ETV4: variants seen among roughly 807,000 people sequenced by gnomAD.
The protein encoded by ETV4 is ETS variant transcription factor 4.
ETV4 carries 42 observed loss-of-function variants against 65.9 expected under a neutral mutation model. The ratio of observed to expected loss-of-function variants is 0.64; its 90% CI spans 0.50 to 0.82. ETV4 has a LOEUF of 0.82. ETV4 is among the 40% of genes least tolerant of loss of function. ETV4 has a pLI of 0.00. For missense variants in ETV4, 583 were observed against 630.3 expected (o/e 0.92, Z 0.80); for synonymous variants, 238 against 260.0 (o/e 0.92, Z 0.81).
Position 43,529,992 on chromosome 17 carries a change from C to T in ETV4, c.887-40G>A. 6 of 1,613,212 alleles carry T rather than the reference C, an allele frequency of 3.7e-6. No individual in the cohort carries two copies. In the South Asian group the frequency reaches 5.5e-5, roughly 15 times the overall value. ...TGGGGGTTGCTCAGATCTGGGGGTT[C>T]ACCGATGAGACCCCAGAGAGTCCAG... On this transcript the variant is annotated intron_variant, in intron 9 of 12. Coordinates refer to ENST00000319349, the MANE Select transcript of ETV4 (RefSeq NM_001079675.5).
intron 12 of ETV4, 51 bp downstream of exon 12, chr17:43,529,084 T>G (rs1970742302): frequency 1.9e-6 from 3 of 1,563,754 alleles, no homozygotes; most frequent in East Asian, 4.5e-5. Flanking sequence ...CCAGTCAGCT[T>G]CTCACAGCCA....
chr17:43,545,731 G>T, intron 1 of ETV4, 63 bp from the exon 2 acceptor site: 2 of 856,230 alleles, frequency 2.3e-6, no homozygotes, highest in East Asian at 5.3e-5. Context: ...GGGCGGGGAG[G>T]GGGCAGTCCC....
At chr17:43,540,960 G>T (rs1269697494) in intron 4 of ETV4, among the ~76,000 whole-genome samples, 2 of 152,162 alleles carry the variant, frequency 1.3e-5, no homozygotes, top group African/African-American at 4.8e-5. Context: ...GTAATGGGCT[G>T]GGGGTATCTC....
rs186039637 is a variant in ETV4, at chr17:43,539,764, G to T, written c.203-3285C>A. 7.9e-5 allele frequency among the ~76,000 whole-genome samples: 12 copies of T among 152,320 alleles called. No homozygotes were observed. In the East Asian group the frequency reaches 2.3e-3, roughly 29 times the overall value. ...ACACACAAGGCAACACTAGAGGCAG[G>T]TCCTCTCCAGGAAAGCACATCTCAC... On this transcript the variant is annotated intron_variant, in intron 4 of 12. Transcript: ENST00000319349.
chr17:43,528,494 C>G lies in ETV4; in HGVS notation c.*25G>C. The G allele has an allele frequency of 6.6e-7, 1 of 1,517,938 alleles. No individual in the cohort carries two copies. The highest frequency in any genetic ancestry group is 9.0e-7 in the Non-Finnish European group (1 of 1,107,586). The allele number at this position is 1,517,938 out of a possible 1,614,324, so 94.0% of individuals were successfully genotyped here. On this transcript the variant is annotated 3_prime_UTR_variant, in exon 13 of 13. Coordinates refer to ENST00000319349, the MANE Select transcript of ETV4 (RefSeq NM_001079675.5). ...ATGTACACAGGGCAGCACCCACCTGCGGCAGGGGGAACAGCCGCTGGGGGC... is the reference window on the plus strand; with the variant it reads ...ATGTACACAGGGCAGCACCCACCTGGGGCAGGGGGAACAGCCGCTGGGGGC...
chr17:43,544,890 G>T, intron 4 of ETV4, 85 bp downstream of exon 4: 1 of 1,308,322 alleles, frequency 7.6e-7, no homozygotes, highest in Non-Finnish European at 1.1e-6. Flanking sequence ...GAGGAGAAGT[G>T]TAGGGCTTAG....
In ETV4 at chr17:43,529,562, GC is replaced by G; in HGVS notation, c.1069del (p.Ala357ProfsTer34). On this transcript the variant is annotated frameshift_variant, in exon 11 of 13. Coordinates refer to ENST00000319349, the MANE Select transcript of ETV4 (RefSeq NM_001079675.5). LOFTEE classifies it high-confidence loss of function. ...LVALLDDPTN[A>X]HFIAWTGRGM... ...CCGGCCCGTCCAGGCAATGAAATGGGCATTTGTTGGGTCATCCAGCAAGGCC... is the reference window on the plus strand; with the variant it reads ...CCGGCCCGTCCAGGCAATGAAATGGGATTTGTTGGGTCATCCAGCAAGGCC... 6.2e-7 allele frequency: 1 copy of G among 1,613,944 alleles called. No homozygotes were observed.
chr17:43,545,725 G>T, intron 1 of ETV4, 57 bp from the exon 2 acceptor site: 1 of 896,790 alleles, frequency 1.1e-6, no homozygotes, highest in Non-Finnish European at 1.7e-6. Context: ...CGATGGGGGC[G>T]GGGAGGGGGC....
At chr17:43,544,735 C>G in intron 4 of ETV4, 2 of 468,838 alleles carry the variant, frequency 4.3e-6, no homozygotes, top group Non-Finnish European at 7.8e-6. Context: ...TGGTCTGATT[C>G]ATCCTCAAGC....
chr17:43,529,796 C>T (rs1970796840), intron 10 of ETV4, 88 bp downstream of exon 10: 2 of 1,600,232 alleles, frequency 1.2e-6, no homozygotes, highest in African/African-American at 2.7e-5. Flanking sequence ...GGGTCCCACC[C>T]TCTTGCAACA....
At chr17:43,532,029 A>C (rs535179093) in intron 8 of ETV4, among the ~76,000 whole-genome samples, 4 of 152,256 alleles carry the variant, frequency 2.6e-5, no homozygotes, top group African/African-American at 9.6e-5. Flanking sequence ...TTTTAATTTT[A>C]CTTTTTTATA....
chr17:43,535,680 G>C (rs1971202611), intron 5 of ETV4, among the ~76,000 whole-genome samples: 1 of 152,146 alleles, frequency 6.6e-6, no homozygotes, highest in Non-Finnish European at 1.5e-5. Context: ...GATGCTTTTA[G>C]CAGTATCCCT....
In ETV4 at chr17:43,532,681, G is replaced by A. The variant is rs780509931; in HGVS notation, c.804C>T (p.Tyr268=). The change falls in exon 8 of 13, where the codon TAC becomes TAT. Residue 268 remains tyrosine (Y), a synonymous_variant. Coordinates refer to ENST00000319349, the MANE Select transcript of ETV4 (RefSeq NM_001079675.5). Reference sequence around the variant, plus strand: ...CCCACCCCAGTCTCTTACCTGAGTCGTAGGCGAAGTCCGTCTGTTCCTGTT... The same window carrying A: ...CCCACCCCAGTCTCTTACCTGAGTCATAGGCGAAGTCCGTCTGTTCCTGTT... The part of the protein sequence containing the change: ...VIKQEQTDFA[Y]DSDVTGCASM... The A allele has an allele frequency of 6.2e-6, 10 of 1,611,614 alleles. No homozygotes were observed. The highest frequency in any genetic ancestry group is 1.7e-5 in the Admixed American group (1 of 59,868).
Position 43,546,319 on chromosome 17 carries a change from G to C in ETV4, c.-186C>G, listed in dbSNP as rs1971816034. Reference sequence around the variant, plus strand: ...CCCCAGCGCACCGACTTGTTTTTCGGGCGCAGCAGACAGTTGTGAGCCCGG... The same window carrying C: ...CCCCAGCGCACCGACTTGTTTTTCGCGCGCAGCAGACAGTTGTGAGCCCGG... On this transcript the variant is annotated 5_prime_UTR_variant, in exon 1 of 13. Transcript: ENST00000319349. 6.6e-6 allele frequency: 1 copy of C among 152,330 alleles called. No individual in the cohort carries two copies. Among genetic ancestry groups the C allele is most frequent in the Non-Finnish European group, 1.5e-5 (1 of 68,176 alleles). 9.4% of individuals were successfully genotyped at this position (152,330 alleles called of 1,614,324 possible).
Position 43,533,167 on chromosome 17 carries a change from G to A in ETV4, c.545+20C>T, listed in dbSNP as rs1759819780. On this transcript the variant is annotated intron_variant, in intron 7 of 12. Transcript: ENST00000319349. ...AAAAACACCTGGGCCCATGAGCAGTGGGTTTCCCTGTCTCCTTACCTATGT... is the reference window on the plus strand; with the variant it reads ...AAAAACACCTGGGCCCATGAGCAGTAGGTTTCCCTGTCTCCTTACCTATGT... 1 of 1,612,380 alleles carries A rather than the reference G, an allele frequency of 6.2e-7. No homozygotes were observed. The highest frequency in any genetic ancestry group is 1.3e-5 in the African/African-American group (1 of 74,848).
chr17:43,532,889 C>T lies in ETV4; in HGVS notation c.596G>A (p.Gly199Glu), dbSNP rs758832558. Residue 199 changes from glycine to glutamate, a missense_variant, in exon 8 of 13, where the codon GGA becomes GAA. Physicochemically the swap from Gly to Glu is moderately conservative, Grantham distance 98 (BLOSUM62 -2). Coordinates refer to ENST00000319349, the MANE Select transcript of ETV4 (RefSeq NM_001079675.5). Reference protein sequence around the residue: ...LDICHSFTSQGGGREPLPAPY... With the variant: ...LDICHSFTSQEGGREPLPAPY... ...GGCTGGGAGGGGTTCCCGGCCCCCT[C>T]CCTGAGATGTGAAGGAGTGGCAAAT... The T allele has an allele frequency of 6.2e-7, 1 of 1,600,656 alleles. No individual in the cohort carries two copies. The highest frequency in any genetic ancestry group is 1.1e-5 in the South Asian group (1 of 89,778).
rs943816534 is a variant in ETV4 at position 43,531,571 on chromosome 17, A to G, written c.811+1103T>C. 2.6e-5 allele frequency among the ~76,000 whole-genome samples: 4 copies of G among 152,108 alleles called. No individual in the cohort carries two copies. In the South Asian group the frequency reaches 6.2e-4, roughly 24 times the overall value. The stretch of plus-strand genomic sequence containing the variant: ...ATACAAAAACTAGCTGGGCATGGTG[A>G]TGGGCACCTGTAACCCCAGCTATTC... On this transcript the variant is annotated intron_variant, in intron 8 of 12. Transcript: ENST00000319349.
At chr17:43,539,610 T>G (rs1971417315) in intron 4 of ETV4, among the ~76,000 whole-genome samples, 1 of 152,240 alleles carries the variant, frequency 6.6e-6, no homozygotes, top group African/African-American at 2.4e-5. Flanking sequence ...CTGTTATTTC[T>G]TGACTACATG....
rs774316225 is a variant in ETV4, at chr17:43,545,037, G to A, written c.155-15C>T. ...CTGGAAGAGATCTGAGGGGTAAATA[G>A]TGGAATTGGAGGTGAGGTGGAGGGG... On this transcript the variant is annotated splice_polypyrimidine_tract_variant and intron_variant, in intron 3 of 12. Transcript: ENST00000319349. 6 of 1,613,692 alleles carry A rather than the reference G, an allele frequency of 3.7e-6. No individual in the cohort carries two copies. The highest frequency in any genetic ancestry group is 2.2e-5 in the East Asian group (1 of 44,860).
Sources: allele counts gnomAD v4.1 joint callset (sites outside exome capture counted in the v4.1 genomes callset), GRCh38; gene constraint gnomAD v4.1.1; transcripts MANE v1.5; gene names NCBI Gene and HGNC (gene_info 2026-07-23, HGNC 2026-07-21).